Variants in MAML2 observed in about 807,000 individuals in gnomAD.
The protein encoded by MAML2 is mastermind like transcriptional coactivator 2, also known as mastermind-like protein 2.
A neutral mutation model predicts 96.1 loss-of-function variants in MAML2; 22 were observed. The ratio of observed to expected loss-of-function variants is 0.23; its 90% CI spans 0.16 to 0.33. The LOEUF is 0.33. Ranked by LOEUF, MAML2 falls within the 10% of genes least tolerant of loss-of-function variation. The pLI is 1.00. For missense variants in MAML2, 1,367 were observed against 1,392.4 expected (o/e 0.98, Z 0.29); for synonymous variants, 561 against 521.3 (o/e 1.08, Z -1.04).
chr11:96,075,170 T>C (rs543207943), intron 2 of MAML2, among the ~76,000 whole-genome samples: 1 of 152,184 alleles, frequency 6.6e-6, no homozygotes, highest in African/African-American at 2.4e-5. Context: ...ATATTTCATG[T>C]TTTCCTCCTG....
At chr11:96,035,979 G>T (rs141871410) in intron 2 of MAML2, among the ~76,000 whole-genome samples, 126 of 152,194 alleles carry the variant, frequency 8.3e-4, no homozygotes, top group African/African-American at 2.9e-3. Flanking sequence ...ATGTGAAAAT[G>T]GTCTGAAACT....
intron 1 of MAML2, among the ~76,000 whole-genome samples, chr11:96,171,918 G>A (rs1434719275): frequency 6.6e-6 from 1 of 152,236 alleles, no homozygotes; most frequent in African/African-American, 2.4e-5. Flanking sequence ...GGGCTGGGAT[G>A]CTAACCCCTA....
At chr11:96,293,584 A>T (rs1863246065) in intron 1 of MAML2, among the ~76,000 whole-genome samples, 1 of 152,262 alleles carries the variant, frequency 6.6e-6, no homozygotes, top group South Asian at 2.1e-4. Flanking sequence ...AAATAGCAAC[A>T]GTAACAACAG....
intron 2 of MAML2, among the ~76,000 whole-genome samples, chr11:96,001,768 C>G (rs1054492815): frequency 6.6e-6 from 1 of 152,176 alleles, no homozygotes; most frequent in Non-Finnish European, 1.5e-5. Flanking sequence ...GGATCACGTC[C>G]TAACTCCCAA....
chr11:96,082,694 G>A (rs1488475236), intron 2 of MAML2, among the ~76,000 whole-genome samples: 1 of 152,192 alleles, frequency 6.6e-6, no homozygotes, highest in African/African-American at 2.4e-5. Context: ...TAAGGAGTAT[G>A]GAGCAAGGCA....
rs116330743 is a variant in MAML2, at chr11:96,161,893, G to A, written c.514-68376C>T. The stretch of plus-strand genomic sequence containing the variant: ...CAATAGATGCCCTTCATTTTGCAGC[G>A]GAGGAAAGCTGGATCTTACAACAGG... On this transcript the variant is annotated intron_variant, in intron 1 of 4. Coordinates refer to ENST00000524717, the MANE Select transcript of MAML2 (RefSeq NM_032427.4). Among the ~76,000 whole-genome samples the A allele has an allele frequency of 5.4e-3, 818 of 152,260 alleles. 6 individuals are homozygous for A. Among genetic ancestry groups the A allele is most frequent in the African/African-American group, 0.018 (732 of 41,558 alleles).
At chr11:95,996,187 GTTT>G (rs943539779) in intron 2 of MAML2, among the ~76,000 whole-genome samples, 2 of 152,164 alleles carry the variant, frequency 1.3e-5, no homozygotes, top group Non-Finnish European at 2.9e-5. Context: ...GTGCTAGGCA[GTTT>G]TTTATTTTCT....
intron 1 of MAML2, among the ~76,000 whole-genome samples, chr11:96,145,783 G>A (rs1246351746): frequency 2.6e-5 from 4 of 152,280 alleles, no homozygotes; most frequent in South Asian, 2.1e-4. Flanking sequence ...CAAGGCAGGC[G>A]GATCACCTGA....
chr11:96,119,548 T>A (rs1177323822), intron 1 of MAML2, among the ~76,000 whole-genome samples: 1 of 152,238 alleles, frequency 6.6e-6, no homozygotes, highest in Non-Finnish European at 1.5e-5. Flanking sequence ...ATTTAAGTTA[T>A]TTTAAGCGAC....
chr11:96,124,749 C>T (rs78287061), intron 1 of MAML2, among the ~76,000 whole-genome samples: 1,845 of 152,120 alleles, frequency 0.012, 37 homozygotes, highest in African/African-American at 0.042. Flanking sequence ...GCATACACCT[C>T]GTGAAAGGGC....
At chr11:96,115,483 T>TG (rs1164770527) in intron 1 of MAML2, among the ~76,000 whole-genome samples, 75 of 151,782 alleles carry the variant, frequency 4.9e-4, no homozygotes, top group African/African-American at 1.8e-3. Flanking sequence ...ATTTTTTTTT[T>TG]TTTAAACCCC....
At chr11:96,167,364 CT>C (rs1861211157) in intron 1 of MAML2, among the ~76,000 whole-genome samples, 9 of 152,184 alleles carry the variant, frequency 5.9e-5, no homozygotes, top group Non-Finnish European at 1.3e-4. Flanking sequence ...TCCTGCCAGA[CT>C]TCCTTCACAC....
chr11:96,156,079 G>A (rs1861006936), intron 1 of MAML2, among the ~76,000 whole-genome samples: 1 of 152,168 alleles, frequency 6.6e-6, no homozygotes, highest in South Asian at 2.1e-4. Flanking sequence ...CTGCCTGTCT[G>A]CAGACAGGAA....
At chr11:96,292,545 G>A (rs543104) in intron 1 of MAML2, among the ~76,000 whole-genome samples, 40,328 of 152,104 alleles carry the variant, frequency 0.27, 5,459 homozygotes, top group East Asian at 0.32. Flanking sequence ...AAGCAGTTAT[G>A]TAAACCTAGG....
intron 1 of MAML2, among the ~76,000 whole-genome samples, chr11:96,318,242 A>T (rs1863656575): frequency 6.6e-6 from 1 of 152,212 alleles, no homozygotes; most frequent in Non-Finnish European, 1.5e-5. Flanking sequence ...TGCCACTATT[A>T]TCACCATTTT....
intron 1 of MAML2, among the ~76,000 whole-genome samples, chr11:96,105,026 T>C (rs1860000484): frequency 6.6e-6 from 1 of 152,224 alleles, no homozygotes; most frequent in African/African-American, 2.4e-5. Context: ...CAGCAAATAA[T>C]TCCCAACTAA....
At chr11:96,165,094 T>C (rs1025049233) in intron 1 of MAML2, among the ~76,000 whole-genome samples, 4 of 152,356 alleles carry the variant, frequency 2.6e-5, no homozygotes, top group Admixed American at 1.3e-4. Context: ...ATCTCACCAC[T>C]GTTTCTTCTA....
intron 1 of MAML2, among the ~76,000 whole-genome samples, chr11:96,121,341 A>G (rs1860336701): frequency 1.3e-5 from 2 of 152,174 alleles, no homozygotes; most frequent in African/African-American, 2.4e-5. Context: ...TATTTGTTCA[A>G]TTATAGCTTG....
chr11:96,060,771 G>T (rs1009774530), intron 2 of MAML2, among the ~76,000 whole-genome samples: 2 of 152,174 alleles, frequency 1.3e-5, no homozygotes, highest in Non-Finnish European at 2.9e-5. Flanking sequence ...TAAAATCACT[G>T]CCAAGTTTTA....
Sources: gnomAD v4.1 joint callset for allele counts (sites outside exome capture counted in the v4.1 genomes callset) on GRCh38, gnomAD v4.1.1 for gene constraint, MANE v1.5 for transcripts, NCBI Gene and HGNC (gene_info 2026-07-23, HGNC 2026-07-21) for gene names.